ALDH1A2: variants seen among roughly 807,000 people sequenced by gnomAD.
The protein encoded by ALDH1A2 is aldehyde dehydrogenase 1 family member A2.
ALDH1A2 carries 27 observed loss-of-function variants against 60.3 expected under a neutral mutation model. That is an observed-to-expected ratio of 0.45 (90% confidence interval 0.33 to 0.62). The LOEUF is 0.62. ALDH1A2 is among the 20% of genes least tolerant of loss of function. The probability of loss-of-function intolerance (pLI) is 0.02; values close to 1 mark genes in which losing one functional copy is unlikely to be tolerated. For missense variants in ALDH1A2, 581 were observed against 643.8 expected (o/e 0.90, Z 1.06); for synonymous variants, 289 against 232.4 (o/e 1.24, Z -2.21).
At chr15:57,995,230 AAAAAAAC>A (rs1895015247) in intron 4 of ALDH1A2, 91 bp from the exon 5 acceptor site, 35 of 755,446 alleles carry the variant, frequency 4.6e-5, no homozygotes, top group Middle Eastern at 2.8e-4. Flanking sequence ...AAAAAAAAAA[AAAAAAAC>A]AAACAGAAAT....
intron 1 of ALDH1A2, among the ~76,000 whole-genome samples, chr15:58,026,296 T>C (rs1206520193): frequency 1.3e-5 from 2 of 152,166 alleles, no homozygotes; most frequent in African/African-American, 2.4e-5. Flanking sequence ...GCAAACATGA[T>C]ACACTGAAAA....
chr15:58,043,798 C>T (rs1896575267), intron 1 of ALDH1A2, among the ~76,000 whole-genome samples: 1 of 151,874 alleles, frequency 6.6e-6, no homozygotes, highest in Non-Finnish European at 1.5e-5. Context: ...ACAGCCAAGT[C>T]CTATTAAAGC....
chr15:57,982,407 T>C (rs1894545789), intron 7 of ALDH1A2, among the ~76,000 whole-genome samples: 1 of 152,234 alleles, frequency 6.6e-6, no homozygotes, highest in Non-Finnish European at 1.5e-5. Flanking sequence ...GAAAAAGTGA[T>C]GATTTCCTTT....
intron 7 of ALDH1A2, among the ~76,000 whole-genome samples, chr15:57,989,392 A>G (rs939096702): frequency 6.6e-6 from 1 of 152,330 alleles, no homozygotes; most frequent in East Asian, 1.9e-4. Flanking sequence ...AATTCCAATC[A>G]AAGTTTTTTA....
intron 1 of ALDH1A2, among the ~76,000 whole-genome samples, chr15:58,059,827 C>A (rs896969484): frequency 1.3e-5 from 2 of 151,910 alleles, no homozygotes; most frequent in Non-Finnish European, 2.9e-5. Context: ...CCATAGCTAC[C>A]CAGAATATTG....
intron 9 of ALDH1A2, 91 bp from the exon 10 acceptor site, chr15:57,962,267 T>C: frequency 6.6e-7 from 1 of 1,512,358 alleles, no homozygotes; most frequent in Non-Finnish European, 9.1e-7. Context: ...TTTAGGGTTT[T>C]TTTCAAAGTT....
chr15:58,020,918 G>A (rs1342889776), intron 1 of ALDH1A2, among the ~76,000 whole-genome samples: 1 of 151,978 alleles, frequency 6.6e-6, no homozygotes. Flanking sequence ...AATTTTCGGG[G>A]TATTTTATTA....
intron 1 of ALDH1A2, among the ~76,000 whole-genome samples, chr15:58,022,192 C>T (rs181904734): frequency 1.2e-3 from 189 of 152,292 alleles, no homozygotes; most frequent in Admixed American, 2.8e-3. Flanking sequence ...TCTGGCCTCA[C>T]TTTGTTCCCC....
At chr15:57,976,178 A>G (rs1332515966) in intron 7 of ALDH1A2, among the ~76,000 whole-genome samples, 1 of 152,212 alleles carries the variant, frequency 6.6e-6, no homozygotes, top group Non-Finnish European at 1.5e-5. Context: ...TCCCTACACC[A>G]GAATTCCATT....
rs535818956 is a variant in ALDH1A2 at position 58,008,296 on chromosome 15, T to A, written c.493+2353A>T. ...AAGAGAATTCATCGTTTTTTTTCCT[T>A]CATTGACTGAACAACAGTTAATGAG... On this transcript the variant is annotated intron_variant, in intron 4 of 12. Coordinates refer to ENST00000249750, the MANE Select transcript of ALDH1A2 (RefSeq NM_003888.4). Among the ~76,000 whole-genome samples the A allele has an allele frequency of 3.3e-5, 5 of 152,228 alleles. No individual in the cohort carries two copies. The South Asian group carries it at 1.0e-3, about 32-fold the overall frequency.
chr15:58,038,893 G>A (rs1896443573), intron 1 of ALDH1A2, among the ~76,000 whole-genome samples: 1 of 151,722 alleles, frequency 6.6e-6, no homozygotes, highest in South Asian at 2.1e-4. Context: ...CACATATAAA[G>A]TGCCTCATCC....
Position 58,010,755 on chromosome 15 carries a change from GC to G in ALDH1A2, c.386del (p.Gly129AlafsTer32). 6.2e-7 allele frequency: 1 copy of G among 1,613,382 alleles called. No individual in the cohort carries two copies. Among genetic ancestry groups the G allele is most frequent in the Non-Finnish European group, 8.5e-7 (1 of 1,179,470 alleles). ...CATAAAAAGCTTGCAGGAATGGTTT[GC>G]CACCATTTAGGGATTCCATGGTCTG... ...VLATMESLNG[G>X]KPFLQAFYVD... On this transcript the variant is annotated frameshift_variant, in exon 4 of 13. Coordinates refer to ENST00000249750, the MANE Select transcript of ALDH1A2 (RefSeq NM_003888.4). LOFTEE classifies it high-confidence loss of function.
Position 58,036,112 on chromosome 15 carries a change from T to C in ALDH1A2, c.118-21831A>G, listed in dbSNP as rs370328223. On this transcript the variant is annotated intron_variant, in intron 1 of 12. Coordinates refer to ENST00000249750, the MANE Select transcript of ALDH1A2 (RefSeq NM_003888.4). Reference sequence around the variant, plus strand: ...ATATGAAATAAATAGGAGGCCAAAGTTTTAAAATAAAAGAAGTAATAGTAT... The same window carrying C: ...ATATGAAATAAATAGGAGGCCAAAGCTTTAAAATAAAAGAAGTAATAGTAT... Among the ~76,000 whole-genome samples, 29 of 151,752 alleles carry C rather than the reference T, an allele frequency of 1.9e-4. No homozygotes were observed. In the East Asian group the frequency reaches 4.3e-3, roughly 22 times the overall value.
chr15:57,987,047 G>T (rs1439523720), intron 7 of ALDH1A2, among the ~76,000 whole-genome samples: 1 of 152,066 alleles, frequency 6.6e-6, no homozygotes, highest in East Asian at 1.9e-4. Flanking sequence ...AAAAAATCAT[G>T]GAATTTCTAG....
chr15:58,021,575 T>C (rs1207415600), intron 1 of ALDH1A2, among the ~76,000 whole-genome samples: 1 of 152,186 alleles, frequency 6.6e-6, no homozygotes, highest in African/African-American at 2.4e-5. Context: ...GACCATGAAA[T>C]GGAACTGCTC....
At position 58,014,279 on chromosome 15, in the gene ALDH1A2, G is replaced by A; in HGVS notation, c.120C>T (p.Ile40=). The change falls in exon 2 of 13, where the codon ATC becomes ATT. Residue 40 remains isoleucine, a splice_region_variant and synonymous_variant. Coordinates refer to ENST00000249750, the MANE Select transcript of ALDH1A2 (RefSeq NM_003888.4). ...AGTTCTGCCACTCGTTGTTTATAAA[G>A]ATCTAAGGGAGTAGATAACAGAATG... The part of the protein sequence containing the change: ...TPNLEIKYTK[I]FINNEWQNSE... 6.2e-7 allele frequency: 1 copy of A among 1,612,638 alleles called. No individual in the cohort carries two copies. Among genetic ancestry groups the A allele is most frequent in the Non-Finnish European group, 8.5e-7 (1 of 1,178,688 alleles).
chr15:57,988,364 TTATC>T, intron 7 of ALDH1A2, among the ~76,000 whole-genome samples: 1 of 152,166 alleles, frequency 6.6e-6, no homozygotes, highest in East Asian at 1.9e-4. Flanking sequence ...AGTGGTAAAA[TTATC>T]TAACTCAACC....
intron 7 of ALDH1A2, chr15:57,990,234 T>C (rs1357547443): frequency 1.8e-4 from 27 of 152,366 alleles, no homozygotes; most frequent in African/African-American, 6.0e-4. Flanking sequence ...AAGTTGTAAA[T>C]ATGTTTTTAT....
Position 57,961,181 on chromosome 15 carries a change from G to A in ALDH1A2, c.1365C>T (p.Asn455=), listed in dbSNP as rs1315382086. The A allele has an allele frequency of 1.2e-6, 2 of 1,614,132 alleles. No individual in the cohort carries two copies. Among genetic ancestry groups the A allele is most frequent in the Non-Finnish European group, 1.7e-6 (2 of 1,180,006 alleles). ...TTGCAGAAGACACTGTGAGGGCCTT[G>A]TTGATGTCATTAGTAAAGACAGCTG... ...LVAAVFTNDI[N]KALTVSSAMQ... Residue 455 remains asparagine (N), a synonymous_variant, in exon 11 of 13, where the codon AAC becomes AAT. Transcript: ENST00000249750.
Sources: allele counts gnomAD v4.1 joint callset (sites outside exome capture counted in the v4.1 genomes callset), GRCh38; gene constraint gnomAD v4.1.1; transcripts MANE v1.5; gene names NCBI Gene and HGNC (gene_info 2026-07-23, HGNC 2026-07-21).